Variants in POLR3B observed in about 807,000 individuals in gnomAD.
POLR3B encodes RNA polymerase III subunit B.
In POLR3B, 96 loss-of-function variants were observed where a neutral mutation model predicts 147.4. The ratio of observed to expected loss-of-function variants is 0.65; its 90% CI spans 0.55 to 0.77. The LOEUF (loss-of-function observed/expected upper bound fraction) is 0.77. Among genes scored for constraint, POLR3B ranks in the 30% least tolerant of loss-of-function variants. The pLI is 0.00. For synonymous variants in POLR3B, 461 were observed against 485.9 expected (o/e 0.95, Z 0.67); for missense variants, 1,036 against 1,413.5 (o/e 0.73, Z 4.28).
intron 13 of POLR3B, among the ~76,000 whole-genome samples, chr12:106,428,144 C>T (rs994842226): frequency 1.3e-5 from 2 of 152,186 alleles, no homozygotes; most frequent in African/African-American, 4.8e-5. Flanking sequence ...GCCTTTGTCC[C>T]TATTTAGGCA....
chr12:106,434,146 C>T (rs1421629976), intron 16 of POLR3B, among the ~76,000 whole-genome samples: 1 of 152,130 alleles, frequency 6.6e-6, no homozygotes, highest in Admixed American at 6.5e-5. Context: ...TAATGCTAGC[C>T]ACCATTTGTC....
intron 19 of POLR3B, among the ~76,000 whole-genome samples, chr12:106,449,905 T>C (rs1418254161): frequency 6.6e-6 from 1 of 152,186 alleles, no homozygotes; most frequent in Non-Finnish European, 1.5e-5. Flanking sequence ...TCTGAGAATA[T>C]TAAAATCATT....
At chr12:106,403,837 C>T (rs777176689) in intron 10 of POLR3B, among the ~76,000 whole-genome samples, 231 of 149,976 alleles carry the variant, frequency 1.5e-3, no homozygotes, top group Non-Finnish European at 3.0e-3. Flanking sequence ...GGAGGGATAG[C>T]ATTGGGAGGT....
Position 106,433,743 on chromosome 12 carries a change from A to T in POLR3B, c.1652A>T (p.Asp551Val). 6.2e-7 allele frequency: 1 copy of T among 1,613,560 alleles called. No individual in the cohort carries two copies. Residue 551 changes from aspartate (D) to valine (V), a missense_variant, in exon 16 of 28, where the codon GAC becomes GTC. Around this residue, in one of 12 missense-constraint regions of POLR3B, gnomAD observed 177 missense variants for 232.7 expected, o/e 0.76. Transcript: ENST00000228347. ...GGTAACATCTTAGGTGTCATTCGAG[A>T]CCACAAAAAGCTAGTGAATACATTT... ...LNGNILGVIR[D>V]HKKLVNTFRL...
chr12:106,363,843 T>G (rs1311912014), intron 1 of POLR3B, 27 bp from the exon 2 acceptor site: 3 of 1,585,444 alleles, frequency 1.9e-6, no homozygotes, highest in Non-Finnish European at 2.6e-6. Context: ...TACAGAGTTC[T>G]GATATTCTTC....
intron 23 of POLR3B, among the ~76,000 whole-genome samples, chr12:106,482,324 T>C (rs1428043806): frequency 1.3e-5 from 2 of 152,218 alleles, no homozygotes; most frequent in African/African-American, 4.8e-5. Context: ...TGTTATTCCA[T>C]TCTCACACTG....
At chr12:106,444,160 G>A (rs896586502) in intron 18 of POLR3B, among the ~76,000 whole-genome samples, 2 of 152,104 alleles carry the variant, frequency 1.3e-5, no homozygotes, top group Non-Finnish European at 1.5e-5. Context: ...ACTCTTAAAT[G>A]GTGATACAAC....
At chr12:106,400,847 G>A (rs1237596041) in intron 10 of POLR3B, among the ~76,000 whole-genome samples, 1 of 152,164 alleles carries the variant, frequency 6.6e-6, no homozygotes, top group Non-Finnish European at 1.5e-5. Flanking sequence ...GAAATTTATA[G>A]CACTAAATGC....
At chr12:106,378,126 A>G (rs556186718) in intron 7 of POLR3B, 141 bp from the exon 8 acceptor site, 3 of 660,412 alleles carry the variant, frequency 4.5e-6, no homozygotes, top group Non-Finnish European at 5.5e-6. Context: ...TAAAATCAGC[A>G]ACCCCTTTGA....
chr12:106,410,499 T>G (rs2037211294), intron 11 of POLR3B: 1 of 320,322 alleles, frequency 3.1e-6, no homozygotes. Flanking sequence ...TCAGCTGTAT[T>G]CTCTTGGTTA....
intron 23 of POLR3B, chr12:106,495,808 C>T (rs2038471338): frequency 1.6e-6 from 1 of 631,680 alleles, no homozygotes; most frequent in African/African-American, 1.8e-5. Context: ...GGCAGCCCAA[C>T]AGCACCATTG....
chr12:106,380,497 G>A (rs1189629102), intron 9 of POLR3B, among the ~76,000 whole-genome samples: 1 of 151,912 alleles, frequency 6.6e-6, no homozygotes, highest in Non-Finnish European at 1.5e-5. Flanking sequence ...GTGGGAGGAT[G>A]GCTTGAGCCT....
intron 19 of POLR3B, among the ~76,000 whole-genome samples, chr12:106,453,026 CTTTT>C (rs770997629): frequency 4.4e-5 from 6 of 135,934 alleles, no homozygotes; most frequent in Admixed American, 7.4e-5. Context: ...TTCTTTTCTT[CTTTT>C]TTTTTTTTTT....
intron 9 of POLR3B, among the ~76,000 whole-genome samples, chr12:106,391,978 C>T (rs2036920366): frequency 1.3e-5 from 2 of 152,150 alleles, no homozygotes; most frequent in African/African-American, 2.4e-5. Flanking sequence ...CTGACTATTA[C>T]TCTTCCAGGA....
chr12:106,490,099 C>T (rs1213894345), intron 23 of POLR3B, among the ~76,000 whole-genome samples: 1 of 152,108 alleles, frequency 6.6e-6, no homozygotes, highest in Non-Finnish European at 1.5e-5. Context: ...AAATTTTGGT[C>T]TTCAGTAGCT....
At chr12:106,492,070 C>T (rs753438513) in intron 23 of POLR3B, among the ~76,000 whole-genome samples, 5 of 152,282 alleles carry the variant, frequency 3.3e-5, no homozygotes, top group South Asian at 4.1e-4. Flanking sequence ...GATGGCATTA[C>T]AGTTGTCTTC....
chr12:106,460,965 A>G (rs2037924904), intron 22 of POLR3B, among the ~76,000 whole-genome samples: 1 of 151,894 alleles, frequency 6.6e-6, no homozygotes, highest in African/African-American at 2.4e-5. Context: ...TGTCGTCTCC[A>G]TTTCTACTTT....
chr12:106,386,625 T>G (rs2036842601), intron 9 of POLR3B, among the ~76,000 whole-genome samples: 1 of 151,848 alleles, frequency 6.6e-6, no homozygotes, highest in Admixed American at 6.6e-5. Flanking sequence ...TAAGACAGTT[T>G]TGCTGGGCGT....
At chr12:106,484,081 T>C (rs1482725427) in intron 23 of POLR3B, among the ~76,000 whole-genome samples, 1 of 152,180 alleles carries the variant, frequency 6.6e-6, no homozygotes, top group Non-Finnish European at 1.5e-5. Context: ...TCTTGCAGGC[T>C]GCCTGGTAAA....
Sources: gnomAD v4.1 joint callset for allele counts (sites outside exome capture counted in the v4.1 genomes callset) on GRCh38, gnomAD v4.1.1 for gene constraint, gnomAD v4.1.1 regional missense constraint, MANE v1.5 for transcripts, NCBI Gene and HGNC (gene_info 2026-07-23, HGNC 2026-07-21) for gene names.